MBOAT2: variants seen among roughly 807,000 people sequenced by gnomAD.
MBOAT2 encodes the protein membrane bound glycerophospholipid O-acyltransferase 2.
MBOAT2 carries 28 observed loss-of-function variants against 63.4 expected under a neutral mutation model. The ratio of observed to expected loss-of-function variants is 0.44; its 90% CI spans 0.33 to 0.61. The LOEUF (loss-of-function observed/expected upper bound fraction) is 0.61. Among genes scored for constraint, MBOAT2 ranks in the 20% least tolerant of loss-of-function variants. MBOAT2 has a pLI of 0.03. For missense variants in MBOAT2, 470 were observed against 605.8 expected (o/e 0.78, Z 2.35); for synonymous variants, 211 against 215.6 (o/e 0.98, Z 0.19).
intron 3 of MBOAT2, among the ~76,000 whole-genome samples, chr2:8,942,634 A>G (rs992715228): frequency 3.3e-5 from 5 of 152,148 alleles, no homozygotes; most frequent in African/African-American, 1.2e-4. Context: ...CACCTTCTAC[A>G]TGCTCCCCAC....
At chr2:8,909,653 A>C (rs1469479640) in intron 3 of MBOAT2, among the ~76,000 whole-genome samples, 4 of 152,210 alleles carry the variant, frequency 2.6e-5, no homozygotes, top group Non-Finnish European at 5.9e-5. Context: ...AAGTTCTTTC[A>C]AACTTTTGAC....
intron 2 of MBOAT2, among the ~76,000 whole-genome samples, chr2:8,951,179 A>G (rs1026148403): frequency 6.7e-6 from 1 of 150,088 alleles, no homozygotes; most frequent in Admixed American, 6.6e-5. Context: ...ATTTTTTTGT[A>G]ATACTTTCAG....
chr2:8,858,692 G>A lies in MBOAT2; in HGVS notation c.1550C>T (p.Ser517Leu). Residue 517 changes from serine to leucine, a missense_variant, in exon 13 of 13, where the codon TCA becomes TTA. Coordinates refer to ENST00000305997, the MANE Select transcript of MBOAT2 (RefSeq NM_138799.4). ...QNQEIASRHSSLKQ is the reference protein window; with the variant it reads ...QNQEIASRHSLLKQ ...GAGCCTTCCCGATCACTGCTTTAGT[G>A]ATGAATGTCTCGAGGCTATTTCTTG... 1.2e-6 allele frequency: 2 copies of A among 1,611,044 alleles called. No homozygotes were observed. Among genetic ancestry groups the A allele is most frequent in the Non-Finnish European group, 1.7e-6 (2 of 1,178,522 alleles).
intron 1 of MBOAT2, among the ~76,000 whole-genome samples, chr2:8,976,350 A>G (rs908887754): frequency 2.0e-5 from 3 of 152,086 alleles, no homozygotes; most frequent in Admixed American, 1.3e-4. Context: ...GAAGGAATTT[A>G]TTTACACTCT....
chr2:8,971,787 G>A (rs1350956754), intron 1 of MBOAT2, among the ~76,000 whole-genome samples: 7 of 151,930 alleles, frequency 4.6e-5, no homozygotes, highest in African/African-American at 1.2e-4. Flanking sequence ...AGAGAATAAA[G>A]TACCTAGGAA....
Position 8,868,299 on chromosome 2 carries a change from C to T in MBOAT2, c.987+147G>A, listed in dbSNP as rs144389828. On this transcript the variant is annotated intron_variant, in intron 9 of 12. Transcript: ENST00000305997. ...TCCAGTGCCCAGGGCACATAGTTGACGACCAATATGTATTGGTTAAATGAA... is the reference window on the plus strand; with the variant it reads ...TCCAGTGCCCAGGGCACATAGTTGATGACCAATATGTATTGGTTAAATGAA... 366 of 629,104 alleles carry T rather than the reference C, an allele frequency of 5.8e-4. 1 individual carries two copies. The East Asian group carries it at 0.01, about 18-fold the overall frequency. 39.0% of individuals were successfully genotyped at this position (629,104 alleles called of 1,614,324 possible).
chr2:8,929,258 T>C (rs1476299523), intron 3 of MBOAT2, among the ~76,000 whole-genome samples: 2 of 152,232 alleles, frequency 1.3e-5, no homozygotes, highest in Non-Finnish European at 2.9e-5. Flanking sequence ...CTAATTAAAG[T>C]ATGTTCTGTT....
At chr2:8,989,782 G>T (rs893305243) in intron 1 of MBOAT2, among the ~76,000 whole-genome samples, 1 of 152,224 alleles carries the variant, frequency 6.6e-6, no homozygotes, top group Non-Finnish European at 1.5e-5. Flanking sequence ...GAAACTGGCT[G>T]CCCTAACAAA....
chr2:8,885,151 T>G lies in MBOAT2; in HGVS notation c.452-2586A>C, dbSNP rs546971383. Among the ~76,000 whole-genome samples the G allele has an allele frequency of 2.0e-5, 3 of 152,336 alleles. No individual in the cohort carries two copies. In the South Asian group the frequency reaches 6.2e-4, roughly 32 times the overall value. On this transcript the variant is annotated intron_variant, in intron 5 of 12. Transcript: ENST00000305997. ...CGTATCTTCCACTGTTTAGTACTTATGTATGAATAGGTAAAAGAAAATGAT... is the reference window on the plus strand; with the variant it reads ...CGTATCTTCCACTGTTTAGTACTTAGGTATGAATAGGTAAAAGAAAATGAT...
At chr2:8,998,538 A>T (rs922154025) in intron 1 of MBOAT2, among the ~76,000 whole-genome samples, 21 of 151,930 alleles carry the variant, frequency 1.4e-4, no homozygotes, top group African/African-American at 5.1e-4. Context: ...AAAGAAGTGA[A>T]TGTTTTCAAC....
chr2:8,985,154 T>C (rs1474369749), intron 1 of MBOAT2, among the ~76,000 whole-genome samples: 1 of 152,196 alleles, frequency 6.6e-6, no homozygotes, highest in Admixed American at 6.5e-5. Context: ...ATTCTTCATC[T>C]TCCACTGCTC....
Position 8,942,987 on chromosome 2 carries a change from C to CA in MBOAT2, c.299+199dup, listed in dbSNP as rs141568870. On this transcript the variant is annotated intron_variant, in intron 3 of 12. Coordinates refer to ENST00000305997, the MANE Select transcript of MBOAT2 (RefSeq NM_138799.4). The stretch of plus-strand genomic sequence containing the variant: ...TAGTACTGAATGTCAATGAATCATC[C>CA]ATCCCAAAATGTCAACGGTGCTTTA... 5.0e-3 allele frequency among the ~76,000 whole-genome samples: 758 copies of CA among 152,302 alleles called. 9 individuals are homozygous for CA. Among genetic ancestry groups the CA allele is most frequent in the South Asian group, 0.02 (97 of 4,818 alleles).
chr2:8,937,934 G>T (rs368612446), intron 3 of MBOAT2, among the ~76,000 whole-genome samples: 2 of 152,152 alleles, frequency 1.3e-5, no homozygotes, highest in Non-Finnish European at 2.9e-5. Context: ...AAACAAGCAA[G>T]ATCACGTCAA....
chr2:8,885,836 G>C (rs915311226), intron 5 of MBOAT2, among the ~76,000 whole-genome samples: 1 of 152,216 alleles, frequency 6.6e-6, no homozygotes, highest in African/African-American at 2.4e-5. Context: ...TTGAAAAACA[G>C]ACACAGCTGT....
chr2:8,996,424 T>C (rs1457866557), intron 1 of MBOAT2, among the ~76,000 whole-genome samples: 1 of 152,192 alleles, frequency 6.6e-6, no homozygotes, highest in Non-Finnish European at 1.5e-5. Flanking sequence ...TCCTGGATTG[T>C]ATTTAAATGC....
rs77205001 is a variant in MBOAT2, at chr2:8,903,285, A to C, written c.395+5336T>G. Among the ~76,000 whole-genome samples the C allele has an allele frequency of 2.0e-5, 3 of 152,274 alleles. No individual in the cohort carries two copies. The East Asian group carries it at 5.8e-4, about 29-fold the overall frequency. ...GGTCTATCACTTCTTCTTATACTTGAAAAAAATGCTGCCTACAAAAGTACC... is the reference window on the plus strand; with the variant it reads ...GGTCTATCACTTCTTCTTATACTTGCAAAAAATGCTGCCTACAAAAGTACC... On this transcript the variant is annotated intron_variant, in intron 4 of 12. Transcript: ENST00000305997.
chr2:8,860,614 T>G lies in MBOAT2; in HGVS notation c.1336A>C (p.Ser446Arg), dbSNP rs766881306. 1.2e-6 allele frequency: 2 copies of G among 1,612,172 alleles called. No individual in the cohort carries two copies. Among genetic ancestry groups the G allele is most frequent in the Non-Finnish European group, 1.7e-6 (2 of 1,179,448 alleles). ...LSIKPSLTFY[S>R]SWYYCLHILG... ...CAAAGTTTTAAGAGTAACACTTACC[T>G]GTAAAACGTGAGTGATGGTTTTATA... The change falls in exon 12 of 13, where the codon AGC becomes CGC. Residue 446 changes from serine (S) to arginine (R), a missense_variant and splice_region_variant. By Grantham distance (110) the Ser-to-Arg change is moderately radical (BLOSUM62 -1). This residue lies in a region of MBOAT2 where 90 missense variants were observed against 84.9 expected (regional missense o/e 1.06). Transcript: ENST00000305997.
In MBOAT2 at chr2:8,994,583, G is replaced by T. The variant is rs571480899; in HGVS notation, c.75+8957C>A. 1.7e-4 allele frequency among the ~76,000 whole-genome samples: 26 copies of T among 152,338 alleles called. No homozygotes were observed. In the East Asian group the frequency reaches 5.0e-3, roughly 29 times the overall value. On this transcript the variant is annotated intron_variant, in intron 1 of 12. Transcript: ENST00000305997. ...CTCTCGGTCCTTCTCCAGAACACTGGCCTCATGACATAAATGCTGCATGGG... is the reference window on the plus strand; with the variant it reads ...CTCTCGGTCCTTCTCCAGAACACTGTCCTCATGACATAAATGCTGCATGGG...
At position 8,982,924 on chromosome 2, in the gene MBOAT2, T is replaced by C. The variant is rs531871837; in HGVS notation, c.75+20616A>G. Among the ~76,000 whole-genome samples, 9 of 152,300 alleles carry C rather than the reference T, an allele frequency of 5.9e-5. No individual in the cohort carries two copies. In the South Asian group the frequency reaches 1.7e-3, roughly 28 times the overall value. The stretch of plus-strand genomic sequence containing the variant: ...CTAAGCAACCTGGGGGCAGGGACCA[T>C]AGCGGATCTGATTTTCACTGTATCA... On this transcript the variant is annotated intron_variant, in intron 1 of 12. Coordinates refer to ENST00000305997, the MANE Select transcript of MBOAT2 (RefSeq NM_138799.4).
Sources: allele counts gnomAD v4.1 joint callset (sites outside exome capture counted in the v4.1 genomes callset), GRCh38; gene constraint gnomAD v4.1.1; regional missense constraint gnomAD v4.1.1; transcripts MANE v1.5; gene names NCBI Gene and HGNC (gene_info 2026-07-23, HGNC 2026-07-21).